Variants in PGAP1 observed in about 807,000 individuals in gnomAD.
PGAP1 encodes the protein post-GPI attachment to proteins inositol deacylase 1, also known as GPI inositol-deacylase.
In PGAP1, 76 loss-of-function variants were observed where a neutral mutation model predicts 127.0. The observed-to-expected ratio is 0.60, with a 90% CI of 0.50 to 0.72. The LOEUF (loss-of-function observed/expected upper bound fraction) is 0.72, where lower values mean the gene tolerates loss of function less well. Among genes scored for constraint, PGAP1 ranks in the 30% least tolerant of loss-of-function variants. The pLI, the probability that PGAP1 is intolerant of heterozygous loss-of-function variation, is 0.00. For synonymous variants in PGAP1, 362 were observed against 366.5 expected, an observed-to-expected ratio of 0.99 and a Z score of 0.14; for missense variants, 982 against 1,071.3, an observed-to-expected ratio of 0.92 and a Z score of 1.16.
rs922225714 is a variant in PGAP1, at chr2:196,854,779, C to CT, written c.1862-6743dup. 8.6e-5 allele frequency among the ~76,000 whole-genome samples: 13 copies of CT among 151,892 alleles called. No individual in the cohort carries two copies. In the South Asian group the frequency reaches 1.5e-3, roughly 17 times the overall value. On this transcript the variant is annotated intron_variant, in intron 20 of 26. Transcript: ENST00000354764. ...GAAAAAACCTTAACAAGAACTCTTTCTTTTTTTTCTCCTTTGAAGACAGGG... is the reference window on the plus strand; with the variant it reads ...GAAAAAACCTTAACAAGAACTCTTTCTTTTTTTTTCTCCTTTGAAGACAGGG...
At chr2:196,913,453 T>C (rs574170354) in intron 3 of PGAP1, among the ~76,000 whole-genome samples, 2 of 152,350 alleles carry the variant, frequency 1.3e-5, no homozygotes, top group Non-Finnish European at 2.9e-5. Context: ...CCAAGACAAT[T>C]ACAGTTGCGA....
chr2:196,916,374 G>A (rs781704352), intron 3 of PGAP1, 44 bp downstream of exon 3: 31 of 1,461,530 alleles, frequency 2.1e-5, no homozygotes, highest in Non-Finnish European at 2.8e-5. Flanking sequence ...TTAAAAAGGT[G>A]CCGATAGGTT....
intron 2 of PGAP1, among the ~76,000 whole-genome samples, chr2:196,916,934 G>C (rs1317692433): frequency 6.6e-6 from 1 of 152,162 alleles, no homozygotes; most frequent in Non-Finnish European, 1.5e-5. Context: ...ACTTATTGAG[G>C]TTTTTAAGAA....
chr2:196,896,704 T>C (rs756301633), intron 7 of PGAP1, among the ~76,000 whole-genome samples: 6 of 150,660 alleles, frequency 4.0e-5, no homozygotes, highest in Non-Finnish European at 5.9e-5. Flanking sequence ...GTGGTGCACA[T>C]ACATAGTCCC....
chr2:196,876,256 C>T (rs1209519084), intron 13 of PGAP1, among the ~76,000 whole-genome samples: 1 of 151,948 alleles, frequency 6.6e-6, no homozygotes, highest in East Asian at 1.9e-4. Context: ...TTGAAAAATC[C>T]TGTATTTATT....
At chr2:196,884,387 C>G (rs986862786) in intron 12 of PGAP1, among the ~76,000 whole-genome samples, 3 of 152,090 alleles carry the variant, frequency 2.0e-5, no homozygotes, top group African/African-American at 7.2e-5. Context: ...GTTCAAGAGT[C>G]AATTTACTTT....
At chr2:196,869,308 T>C (rs1276106022) in intron 19 of PGAP1, among the ~76,000 whole-genome samples, 2 of 152,150 alleles carry the variant, frequency 1.3e-5, no homozygotes, top group Non-Finnish European at 2.9e-5. Context: ...AAATATACAA[T>C]AGTATGAATT....
At chr2:196,911,800 T>C (rs982179342) in intron 4 of PGAP1, among the ~76,000 whole-genome samples, 1 of 152,156 alleles carries the variant, frequency 6.6e-6, no homozygotes, top group African/African-American at 2.4e-5. Context: ...ATTTAATTCT[T>C]ATTCTGTGAC....
At chr2:196,898,428 A>G in intron 5 of PGAP1, 59 bp from the exon 6 acceptor site, 1 of 1,183,804 alleles carries the variant, frequency 8.4e-7, no homozygotes, top group Non-Finnish European at 1.2e-6. Flanking sequence ...TCTAAAAGGT[A>G]TGAAATTCTT....
At chr2:196,922,672 C>CTT (rs763237138) in intron 1 of PGAP1, 47 of 115,232 alleles carry the variant, frequency 4.1e-4, no homozygotes, top group Non-Finnish European at 6.0e-4. Flanking sequence ...TTCTTACCTA[C>CTT]TTTTTTTTTT....
intron 5 of PGAP1, among the ~76,000 whole-genome samples, chr2:196,898,946 G>C (rs1489255764): frequency 6.6e-6 from 1 of 150,910 alleles, no homozygotes; most frequent in East Asian, 1.9e-4. Flanking sequence ...AAAATCCCTA[G>C]CTGACTAGGA....
At chr2:196,873,783 A>T (rs1207629512) in intron 14 of PGAP1, 25 bp from the exon 15 acceptor site, 4 of 1,486,850 alleles carry the variant, frequency 2.7e-6, no homozygotes, top group Non-Finnish European at 3.7e-6. Context: ...GTACTGTATT[A>T]CTTAGAATAT....
intron 19 of PGAP1, among the ~76,000 whole-genome samples, chr2:196,868,334 A>C (rs1264083296): frequency 6.6e-6 from 1 of 152,114 alleles, no homozygotes; most frequent in South Asian, 2.1e-4. Flanking sequence ...CTGAATATAA[A>C]ATTTCTTTTA....
rs912561319 is a variant in PGAP1 at position 196,836,250 on chromosome 2, C to G, written c.*4984G>C. On this transcript the variant is annotated 3_prime_UTR_variant, in exon 27 of 27. Transcript: ENST00000354764. Reference sequence around the variant, plus strand: ...ACACAGATTGTTTTTGGCAGCATAACATGCCAAACACTTTCAGAAAGTCCT... The same window carrying G: ...ACACAGATTGTTTTTGGCAGCATAAGATGCCAAACACTTTCAGAAAGTCCT... 6.6e-6 allele frequency: 1 copy of G among 152,484 alleles called. No individual in the cohort carries two copies. Among genetic ancestry groups the G allele is most frequent in the African/African-American group, 2.4e-5 (1 of 41,440 alleles). 9.4% of individuals were successfully genotyped at this position (152,484 alleles called of 1,614,324 possible).
chr2:196,865,130 A>T (rs751807700), intron 19 of PGAP1, 50 bp from the exon 20 acceptor site: 4 of 1,023,530 alleles, frequency 3.9e-6, no homozygotes, highest in Admixed American at 2.8e-5. Flanking sequence ...CATGTTAATA[A>T]GTGTACTTTC....
chr2:196,904,206 G>A (rs1702603339), intron 4 of PGAP1, among the ~76,000 whole-genome samples: 1 of 152,190 alleles, frequency 6.6e-6, no homozygotes, highest in Non-Finnish European at 1.5e-5. Flanking sequence ...GCCACTGGAT[G>A]GTGGCAGCAT....
chr2:196,898,484 G>A (rs953807427), intron 5 of PGAP1, 115 bp from the exon 6 acceptor site: 14 of 635,992 alleles, frequency 2.2e-5, no homozygotes, highest in Non-Finnish European at 3.6e-5. Flanking sequence ...ACTATATTGT[G>A]AGGCCTAGAC....
chr2:196,854,119 AT>A (rs1382011799), intron 20 of PGAP1, among the ~76,000 whole-genome samples: 1 of 151,924 alleles, frequency 6.6e-6, no homozygotes, highest in African/African-American at 2.4e-5. Context: ...ATAGTCTTGA[AT>A]TCCTAGGCTC....
chr2:196,918,738 G>A (rs79211567), intron 2 of PGAP1, among the ~76,000 whole-genome samples: 641 of 152,192 alleles, frequency 4.2e-3, no homozygotes, highest in Non-Finnish European at 7.8e-3. Flanking sequence ...ATCATGAAGG[G>A]GCACAGAAGG....
Sources: gnomAD v4.1 joint callset for allele counts (sites outside exome capture counted in the v4.1 genomes callset) on GRCh38, gnomAD v4.1.1 for gene constraint, MANE v1.5 for transcripts, NCBI Gene and HGNC (gene_info 2026-07-23, HGNC 2026-07-21) for gene names.